Variants in NDST3 observed in about 807,000 individuals in gnomAD.
The protein encoded by NDST3 is N-deacetylase and N-sulfotransferase 3, also known as bifunctional heparan sulfate N-deacetylase/N-sulfotransferase 3.
NDST3 carries 58 observed loss-of-function variants against 96.1 expected under a neutral mutation model. The observed-to-expected ratio is 0.60, with a 90% CI of 0.49 to 0.75. The LOEUF (loss-of-function observed/expected upper bound fraction) is 0.75. Ranked by LOEUF, NDST3 falls within the 30% of genes least tolerant of loss-of-function variation. NDST3 has a pLI of 0.00. For missense variants in NDST3, 788 were observed against 1,034.2 expected, an observed-to-expected ratio of 0.76 and a Z score of 3.27; for synonymous variants, 333 against 359.7, an observed-to-expected ratio of 0.93 and a Z score of 0.84.
At chr4:118,151,360 A>G (rs1242733171) in intron 6 of NDST3, among the ~76,000 whole-genome samples, 1 of 152,168 alleles carries the variant, frequency 6.6e-6, no homozygotes, top group South Asian at 2.1e-4. Flanking sequence ...CATATTGTGC[A>G]CATGTACCCT....
At chr4:118,179,444 C>T (rs1432452068) in intron 6 of NDST3, among the ~76,000 whole-genome samples, 1 of 151,892 alleles carries the variant, frequency 6.6e-6, no homozygotes, top group Non-Finnish European at 1.5e-5. Context: ...AGCCCTCATT[C>T]TGCCATAATT....
chr4:118,056,466 A>C (rs4240313), intron 2 of NDST3, among the ~76,000 whole-genome samples: 114,226 of 151,804 alleles, frequency 0.75, 45,632 homozygotes, highest in South Asian at 0.92. Flanking sequence ...TTCTAAACTA[A>C]CTAAATGCTT....
At chr4:118,235,828 T>A (rs961446607) in intron 9 of NDST3, among the ~76,000 whole-genome samples, 2 of 152,180 alleles carry the variant, frequency 1.3e-5, no homozygotes, top group Admixed American at 6.5e-5. Flanking sequence ...GAATTACATA[T>A]CACCAACAAG....
chr4:118,091,272 TG>T (rs1728848079), intron 2 of NDST3, among the ~76,000 whole-genome samples: 1 of 151,672 alleles, frequency 6.6e-6, no homozygotes, highest in South Asian at 2.1e-4. Flanking sequence ...AACCTACACA[TG>T]TATCCCCTGG....
At position 118,100,165 on chromosome 4, in the gene NDST3, T is replaced by C. The variant is rs867072441; in HGVS notation, c.982-4853T>C. On this transcript the variant is annotated intron_variant, in intron 2 of 13. Transcript: ENST00000296499. The stretch of plus-strand genomic sequence containing the variant: ...GTAAAGCAGATGGCCCTCCCCAATG[T>C]AGGGGGCATCATCCAATTTACTGAG... Among the ~76,000 whole-genome samples, 10 of 152,128 alleles carry C rather than the reference T, an allele frequency of 6.6e-5. No individual in the cohort carries two copies. The South Asian group carries it at 1.0e-3, about 16-fold the overall frequency.
At chr4:118,139,427 C>G (rs1185794534) in intron 5 of NDST3, among the ~76,000 whole-genome samples, 1 of 152,128 alleles carries the variant, frequency 6.6e-6, no homozygotes, top group African/African-American at 2.4e-5. Context: ...CTGTGGAAAC[C>G]TATATTTGGC....
At chr4:118,131,000 T>C (rs1482311511) in intron 4 of NDST3, among the ~76,000 whole-genome samples, 1 of 152,172 alleles carries the variant, frequency 6.6e-6, no homozygotes, top group Non-Finnish European at 1.5e-5. Context: ...TAGGATTCTG[T>C]CTTTGTCTTT....
At chr4:118,119,031 T>C (rs969595560) in intron 4 of NDST3, among the ~76,000 whole-genome samples, 2 of 152,168 alleles carry the variant, frequency 1.3e-5, no homozygotes, top group African/African-American at 4.8e-5. Context: ...AGATGATACT[T>C]AATGCTTTTA....
At chr4:118,052,641 C>G (rs1465574137) in intron 1 of NDST3, among the ~76,000 whole-genome samples, 7 of 151,806 alleles carry the variant, frequency 4.6e-5, no homozygotes, top group Non-Finnish European at 7.4e-5. Context: ...TGTTTGTTTC[C>G]CATTAGTTCA....
chr4:118,066,938 C>T (rs6842719), intron 2 of NDST3, among the ~76,000 whole-genome samples: 360 of 5,890 alleles, frequency 0.061, 130 homozygotes, highest in Non-Finnish European at 0.51. Context: ...TTATATATAA[C>T]ATGTTATATA....
chr4:118,227,126 C>G (rs2271578), intron 8 of NDST3, 144 bp downstream of exon 8: 2 of 625,116 alleles, frequency 3.2e-6, no homozygotes, highest in African/African-American at 3.7e-5. Flanking sequence ...TTCATTTAGC[C>G]CAGTAATATA....
At chr4:118,238,100 A>C (rs1240049628) in intron 10 of NDST3, among the ~76,000 whole-genome samples, 2 of 149,118 alleles carry the variant, frequency 1.3e-5, no homozygotes, top group African/African-American at 4.9e-5. Context: ...TGTACTGTGC[A>C]GAGGGAGACT....
At chr4:118,249,926 C>T (rs377217945) in intron 12 of NDST3, among the ~76,000 whole-genome samples, 50 of 152,236 alleles carry the variant, frequency 3.3e-4, no homozygotes, top group South Asian at 1.5e-3. Context: ...AATCATGCTC[C>T]GCTGTAGTCA....
intron 4 of NDST3, among the ~76,000 whole-genome samples, chr4:118,131,908 CAG>C (rs1302224004): frequency 6.6e-6 from 1 of 152,022 alleles, no homozygotes; most frequent in African/African-American, 2.4e-5. Context: ...CCCAAACAAA[CAG>C]AGTCTCTTTC....
rs1469769597 is a variant in NDST3, at chr4:118,207,186, CACACAA to C, written c.1540-17303_1540-17298del. ...ACACACACACACACACACACACACA[CACACAA>C]ATTATATCTGTGGCTTCTTGTTGAA... On this transcript the variant is annotated intron_variant, in intron 6 of 13. Transcript: ENST00000296499. Among the ~76,000 whole-genome samples, 12 of 130,604 alleles carry C rather than the reference CACACAA, an allele frequency of 9.2e-5. 1 individual carries two copies. Among genetic ancestry groups the C allele is most frequent in the African/African-American group, 3.4e-4 (12 of 35,400 alleles). 85.7% of individuals were successfully genotyped at this position (130,604 alleles called of 152,430 possible).
intron 8 of NDST3, among the ~76,000 whole-genome samples, chr4:118,231,065 G>C (rs1413797860): frequency 6.6e-6 from 1 of 152,168 alleles, no homozygotes; most frequent in African/African-American, 2.4e-5. Context: ...GCGGGGCACA[G>C]TGGCTCATGC....
intron 9 of NDST3, among the ~76,000 whole-genome samples, chr4:118,233,808 G>A (rs1740466062): frequency 6.6e-6 from 1 of 152,180 alleles, no homozygotes; most frequent in Admixed American, 6.5e-5. Context: ...GTATAATGCT[G>A]AACAGAGGGT....
chr4:118,044,724 T>C (rs946972325), intron 1 of NDST3, among the ~76,000 whole-genome samples: 4 of 152,154 alleles, frequency 2.6e-5, no homozygotes, highest in African/African-American at 9.7e-5. Flanking sequence ...TTCTGGAGAT[T>C]TGGAAGTCTA....
intron 12 of NDST3, among the ~76,000 whole-genome samples, chr4:118,243,346 G>A (rs1000271279): frequency 1.3e-5 from 2 of 152,140 alleles, no homozygotes; most frequent in Admixed American, 6.5e-5. Context: ...ATAGAGACAC[G>A]TAAGGGAGGC....
Sources: allele counts gnomAD v4.1 joint callset (sites outside exome capture counted in the v4.1 genomes callset), GRCh38; gene constraint gnomAD v4.1.1; transcripts MANE v1.5; gene names NCBI Gene and HGNC (gene_info 2026-07-23, HGNC 2026-07-21).